Variants in PTPN13 observed in about 807,000 individuals in gnomAD.
PTPN13 encodes protein tyrosine phosphatase non-receptor type 13.
PTPN13 carries 191 observed loss-of-function variants against 284.0 expected under a neutral mutation model. The ratio of observed to expected loss-of-function variants is 0.67; its 90% CI spans 0.60 to 0.76. The LOEUF (loss-of-function observed/expected upper bound fraction) is 0.76, where lower values mean the gene tolerates loss of function less well. PTPN13 is among the 30% of genes least tolerant of loss of function. The pLI is 0.00. For missense variants in PTPN13, 2,797 were observed against 2,939.9 expected, an observed-to-expected ratio of 0.95 and a Z score of 1.12; for synonymous variants, 986 against 1,022.3, an observed-to-expected ratio of 0.96 and a Z score of 0.68.
At chr4:86,812,936 G>A (rs1462647410) in intron 47 of PTPN13, among the ~76,000 whole-genome samples, 1 of 152,024 alleles carries the variant, frequency 6.6e-6, no homozygotes, top group African/African-American at 2.4e-5. Flanking sequence ...GTGACAAGCA[G>A]GGGTGGCTAC....
intron 2 of PTPN13, among the ~76,000 whole-genome samples, chr4:86,666,562 C>A (rs1220404670): frequency 6.6e-6 from 1 of 152,160 alleles, no homozygotes; most frequent in Non-Finnish European, 1.5e-5. Context: ...TATCCTTAAA[C>A]CACTTTTATT....
chr4:86,672,038 T>C (rs1727767609), intron 2 of PTPN13, among the ~76,000 whole-genome samples: 1 of 152,228 alleles, frequency 6.6e-6, no homozygotes, highest in Admixed American at 6.5e-5. Flanking sequence ...CTTATCCATA[T>C]CTATATGTCA....
Position 86,765,445 on chromosome 4 carries a change from T to C in PTPN13, c.4200T>C (p.Val1400=), listed in dbSNP as rs1739189315. ...VRHGGIYVKA[V]IPQGAAESDG... ...ATGGTGGCATTTATGTGAAAGCTGT[T>C]ATTCCCCAGGGAGCAGCAGAGTCTG... The change falls in exon 26 of 48, where the codon GTT becomes GTC. Residue 1400 remains valine, a synonymous_variant. Transcript: ENST00000411767. The C allele has an allele frequency of 6.2e-7, 1 of 1,602,650 alleles. No individual in the cohort carries two copies. Among genetic ancestry groups the C allele is most frequent in the African/African-American group, 1.3e-5 (1 of 74,854 alleles).
chr4:86,787,532 C>T (rs558604324), intron 40 of PTPN13, among the ~76,000 whole-genome samples: 7 of 150,894 alleles, frequency 4.6e-5, no homozygotes, highest in South Asian at 4.2e-4. Flanking sequence ...ACGGAGGTTG[C>T]GGTGAGCCGA....
intron 37 of PTPN13, among the ~76,000 whole-genome samples, chr4:86,783,546 C>T (rs2149313804): frequency 6.6e-6 from 1 of 151,150 alleles, no homozygotes; most frequent in Admixed American, 6.6e-5. Context: ...TCCAGGAAGT[C>T]TCCCAAACAA....
At chr4:86,702,916 T>C (rs1293424498) in intron 7 of PTPN13, among the ~76,000 whole-genome samples, 3 of 152,154 alleles carry the variant, frequency 2.0e-5, no homozygotes, top group Admixed American at 1.3e-4. Flanking sequence ...ATCGTTATTC[T>C]AGTGTAATAT....
intron 9 of PTPN13, among the ~76,000 whole-genome samples, chr4:86,721,795 G>A (rs55875249): frequency 0.037 from 5,340 of 144,810 alleles, 340 homozygotes; most frequent in African/African-American, 0.13. Context: ...ATGGAGTGCA[G>A]TAATACCATC....
intron 7 of PTPN13, among the ~76,000 whole-genome samples, chr4:86,715,997 G>T (rs550863425): frequency 6.6e-6 from 1 of 152,246 alleles, no homozygotes; most frequent in Non-Finnish European, 1.5e-5. Flanking sequence ...ATCTTATTCT[G>T]GTGGAACTAA....
chr4:86,627,742 C>A (rs1051740541), intron 1 of PTPN13, among the ~76,000 whole-genome samples: 1 of 152,132 alleles, frequency 6.6e-6, no homozygotes, highest in African/African-American at 2.4e-5. Flanking sequence ...TTCAGGCAAC[C>A]ACTGATCTGC....
At chr4:86,709,305 T>C (rs192504738) in intron 7 of PTPN13, among the ~76,000 whole-genome samples, 4 of 152,256 alleles carry the variant, frequency 2.6e-5, no homozygotes, top group Admixed American at 2.6e-4. Context: ...TGTTTTTCAT[T>C]GAAATTATTG....
rs754013900 is a variant in PTPN13 at position 86,741,688 on chromosome 4, A to G, written c.2359A>G (p.Lys787Glu). The G allele has an allele frequency of 6.2e-7, 1 of 1,613,816 alleles. No homozygotes were observed. The highest frequency in any genetic ancestry group is 1.1e-5 in the South Asian group (1 of 91,034). ...GVHFHRVHPE[K>E]KSQTGILLGV... ...TCATTTTCACCGAGTGCACCCTGAG[A>G]AGAAGTCACAAACAGGAATATTGCT... Residue 787 changes from lysine to glutamate, a missense_variant, in exon 16 of 48, where the codon AAG (lysine) becomes GAG (glutamate). Lys to Glu is a moderately conservative substitution (Grantham distance 56). Coordinates refer to ENST00000411767, the MANE Select transcript of PTPN13 (RefSeq NM_080683.3).
At chr4:86,703,180 C>T (rs887427494) in intron 7 of PTPN13, among the ~76,000 whole-genome samples, 2 of 151,964 alleles carry the variant, frequency 1.3e-5, no homozygotes, top group Non-Finnish European at 2.9e-5. Flanking sequence ...CATTAGCCAA[C>T]TTTATGAGAT....
Position 86,635,282 on chromosome 4 carries a change from T to C in PTPN13, c.26T>C (p.Leu9Pro). 6.2e-7 allele frequency: 1 copy of C among 1,606,002 alleles called. No homozygotes were observed. Among genetic ancestry groups the C allele is most frequent in the Non-Finnish European group, 8.5e-7 (1 of 1,176,494 alleles). The change falls in exon 2 of 48, where the codon CTG becomes CCG. Residue 9 changes from leucine to proline, a missense_variant. Leu to Pro is a moderately conservative substitution (Grantham distance 98). Transcript: ENST00000411767. Reference sequence around the variant, plus strand: ...ATGCACGTGTCACTAGCTGAGGCCCTGGAGGTTCGGGGTGGACCACTTCAG... The same window carrying C: ...ATGCACGTGTCACTAGCTGAGGCCCCGGAGGTTCGGGGTGGACCACTTCAG... Reference protein sequence around the residue: MHVSLAEALEVRGGPLQEE... With the variant: MHVSLAEAPEVRGGPLQEE...
In PTPN13 at chr4:86,742,221, G is replaced by A. The variant is rs186444764; in HGVS notation, c.2487+405G>A. Among the ~76,000 whole-genome samples the A allele has an allele frequency of 2.6e-3, 391 of 152,320 alleles. 11 individuals are homozygous for A. Among genetic ancestry groups the A allele is most frequent in the Admixed American group, 0.024 (364 of 15,294 alleles). On this transcript the variant is annotated intron_variant, in intron 16 of 47. Transcript: ENST00000411767. Reference sequence around the variant, plus strand: ...AATAGTAAACCCCCTCGTAGCAACTGTTATTTGAATCTCAGAGGTACAGAG... The same window carrying A: ...AATAGTAAACCCCCTCGTAGCAACTATTATTTGAATCTCAGAGGTACAGAG...
chr4:86,715,899 A>G (rs1192215032), intron 7 of PTPN13, among the ~76,000 whole-genome samples: 7 of 152,200 alleles, frequency 4.6e-5, no homozygotes, highest in Non-Finnish European at 1.0e-4. Context: ...TAGGATTTAG[A>G]TTCTAGTCCA....
intron 12 of PTPN13, among the ~76,000 whole-genome samples, chr4:86,733,288 G>C (rs1006299030): frequency 6.6e-6 from 1 of 152,030 alleles, no homozygotes; most frequent in African/African-American, 2.4e-5. Flanking sequence ...AGCTTCAGTA[G>C]AAACTTCTCC....
At chr4:86,784,286 C>T (rs1741658553) in intron 37 of PTPN13, among the ~76,000 whole-genome samples, 179 bp from the exon 38 acceptor site, 1 of 152,048 alleles carries the variant, frequency 6.6e-6, no homozygotes, top group Admixed American at 6.5e-5. Context: ...TGATGGGAAG[C>T]CCCATGCCCT....
At chr4:86,721,915 G>A (rs1170869009) in intron 9 of PTPN13, among the ~76,000 whole-genome samples, 1 of 151,474 alleles carries the variant, frequency 6.6e-6, no homozygotes, top group Non-Finnish European at 1.5e-5. Context: ...CAGCTAATTT[G>A]TTGTATTTTT....
chr4:86,599,102 G>A (rs2149144720), intron 1 of PTPN13, among the ~76,000 whole-genome samples: 1 of 152,156 alleles, frequency 6.6e-6, no homozygotes, highest in South Asian at 2.1e-4. Flanking sequence ...CCTCAACTCA[G>A]ACTATTAAAC....
Sources: allele counts gnomAD v4.1 joint callset (sites outside exome capture counted in the v4.1 genomes callset), GRCh38; gene constraint gnomAD v4.1.1; transcripts MANE v1.5; gene names NCBI Gene and HGNC (gene_info 2026-07-23, HGNC 2026-07-21).